The following CNTNAP4 variants were observed in gnomAD, a reference collection of about 807,000 sequenced individuals.
CNTNAP4 encodes the protein contactin associated protein family member 4.
A neutral mutation model predicts 148.4 loss-of-function variants in CNTNAP4; 98 were observed. That is an observed-to-expected ratio of 0.66 (90% CI 0.56 to 0.78). The LOEUF is 0.78. CNTNAP4 is among the 30% of genes least tolerant of loss of function. The pLI, the probability that CNTNAP4 is intolerant of heterozygous loss-of-function variation, is 0.00. For missense variants in CNTNAP4, 1,935 were observed against 1,565.6 expected, an observed-to-expected ratio of 1.24 and a Z score of -3.98; for synonymous variants, 730 against 565.1, an observed-to-expected ratio of 1.29 and a Z score of -4.14.
chr16:76,376,356 G>A (rs1213371529), intron 3 of CNTNAP4, among the ~76,000 whole-genome samples: 1 of 152,112 alleles, frequency 6.6e-6, no homozygotes, highest in African/African-American at 2.4e-5. Flanking sequence ...GAAAGGGAAA[G>A]GACTGCCTAA....
intron 3 of CNTNAP4, among the ~76,000 whole-genome samples, chr16:76,401,737 AT>A (rs975553826): frequency 1.3e-5 from 2 of 152,064 alleles, no homozygotes; most frequent in African/African-American, 4.8e-5. Context: ...TTTATTGAGG[AT>A]TTTTTAACTT....
At position 76,511,788 on chromosome 16, in the gene CNTNAP4, A is replaced by G. The variant is rs574358667; in HGVS notation, c.2366-9352A>G. Among the ~76,000 whole-genome samples, 67 of 151,990 alleles carry G rather than the reference A, an allele frequency of 4.4e-4. 1 individual carries two copies. Among genetic ancestry groups the G allele is most frequent in the African/African-American group, 1.6e-3 (65 of 41,476 alleles). Reference sequence around the variant, plus strand: ...ACTTGTGGGAAAGAGCAAAAGAGCAATGAACAAAATAGATAAAAATATCGG... The same window carrying G: ...ACTTGTGGGAAAGAGCAAAAGAGCAGTGAACAAAATAGATAAAAATATCGG... On this transcript the variant is annotated intron_variant, in intron 15 of 23. Coordinates refer to ENST00000611870, the MANE Select transcript of CNTNAP4 (RefSeq NM_033401.5).
chr16:76,321,697 G>C (rs1962430184), intron 2 of CNTNAP4, among the ~76,000 whole-genome samples: 1 of 150,906 alleles, frequency 6.6e-6, no homozygotes, highest in Non-Finnish European at 1.5e-5. Flanking sequence ...GCTGGGGCAG[G>C]AGAATGGCAT....
intron 2 of CNTNAP4, among the ~76,000 whole-genome samples, chr16:76,334,302 GA>G (rs1434835486): frequency 6.6e-6 from 1 of 151,896 alleles, no homozygotes; most frequent in South Asian, 2.1e-4. Context: ...GAAACTAGTG[GA>G]AAAAAAGCCA....
intron 2 of CNTNAP4, among the ~76,000 whole-genome samples, chr16:76,333,483 A>G (rs1056912599): frequency 1.3e-5 from 2 of 152,174 alleles, no homozygotes; most frequent in African/African-American, 4.8e-5. Flanking sequence ...TTGTTGAGAC[A>G]TCATTCTCCT....
intron 1 of CNTNAP4, among the ~76,000 whole-genome samples, chr16:76,311,396 T>G (rs1476424652): frequency 6.6e-6 from 1 of 152,154 alleles, no homozygotes; most frequent in Non-Finnish European, 1.5e-5. Flanking sequence ...AAATGGTGAC[T>G]TTTCTGAGAT....
chr16:76,506,194 G>A (rs1597771259), intron 15 of CNTNAP4, among the ~76,000 whole-genome samples: 1 of 96,630 alleles, frequency 1.0e-5, no homozygotes, highest in African/African-American at 2.6e-5. Context: ...CAGTGGGAAC[G>A]TATTTATTTT....
chr16:76,461,806 G>T (rs2080972354), intron 8 of CNTNAP4, 150 bp from the exon 9 acceptor site: 4 of 574,484 alleles, frequency 7.0e-6, no homozygotes, highest in Non-Finnish European at 1.2e-5. Context: ...TTTCCAATTT[G>T]TCTCCCTTTC....
chr16:76,369,611 G>C (rs1431130302), intron 3 of CNTNAP4, among the ~76,000 whole-genome samples: 2 of 152,342 alleles, frequency 1.3e-5, no homozygotes, highest in East Asian at 1.9e-4. Context: ...GGAAGCCAAG[G>C]TGGGAGGATT....
Position 76,509,176 on chromosome 16 carries a change from T to C in CNTNAP4, c.2365+10482T>C, listed in dbSNP as rs1396899928. 2.1e-5 allele frequency among the ~76,000 whole-genome samples: 2 copies of C among 97,380 alleles called. 1 individual carries two copies. Among genetic ancestry groups the C allele is most frequent in the Non-Finnish European group, 5.8e-5 (2 of 34,262 alleles). 63.9% of individuals were successfully genotyped at this position (97,380 alleles called of 152,430 possible). ...ATATCATTCCAAATGTTGGTAGATA[T>C]CTCTAGTGCAGGGCTTCCCAGTCTC... is the stretch of plus-strand genomic sequence containing the variant. On this transcript the variant is annotated intron_variant, in intron 15 of 23. Coordinates refer to ENST00000611870, the MANE Select transcript of CNTNAP4 (RefSeq NM_033401.5).
intron 8 of CNTNAP4, among the ~76,000 whole-genome samples, chr16:76,460,773 A>AAAAAAAATATATATAT: frequency 3.5e-5 from 2 of 57,326 alleles, no homozygotes; most frequent in East Asian, 5.1e-4. Context: ...AAAAAAAAAA[A>AAAAAAAATATATATAT]ATATATATAT....
In CNTNAP4 at chr16:76,318,470, A is replaced by G. The variant is rs138253912; in HGVS notation, c.196+1947A>G. On this transcript the variant is annotated intron_variant, in intron 2 of 23. Transcript: ENST00000611870. ...CACAATATCAAACTTCATGAATCTC[A>G]TTTACATGTTAATGAAACCGAGACA... Among the ~76,000 whole-genome samples the G allele has an allele frequency of 1.9e-3, 292 of 151,988 alleles. 1 individual carries two copies. Among genetic ancestry groups the G allele is most frequent in the Non-Finnish European group, 2.9e-3 (195 of 67,960 alleles).
intron 23 of CNTNAP4, 189 bp from the exon 24 acceptor site, chr16:76,558,301 C>G (rs1387476732): frequency 2.0e-6 from 1 of 493,500 alleles, no homozygotes; most frequent in Non-Finnish European, 3.6e-6. Context: ...GCTGATAGAA[C>G]TCAGAAATAA....
rs1454434962 is a variant in CNTNAP4 at position 76,489,932 on chromosome 16, T to G, written c.2080+49T>G. The G allele has an allele frequency of 2.4e-6, 3 of 1,238,924 alleles. No homozygotes were observed. In the Admixed American group the frequency reaches 8.3e-5, roughly 34 times the overall value. 76.7% of individuals were successfully genotyped at this position (1,238,924 alleles called of 1,614,324 possible). ...TTGTTGCACACATCACATCATGCACTTACTCAACTAGCTCCTGAGAATTTT... is the reference window on the plus strand; with the variant it reads ...TTGTTGCACACATCACATCATGCACGTACTCAACTAGCTCCTGAGAATTTT... On this transcript the variant is annotated intron_variant, in intron 13 of 23. Coordinates refer to ENST00000611870, the MANE Select transcript of CNTNAP4 (RefSeq NM_033401.5).
At chr16:76,417,078 T>G (rs946836052) in intron 3 of CNTNAP4, among the ~76,000 whole-genome samples, 1 of 151,636 alleles carries the variant, frequency 6.6e-6, no homozygotes, top group Admixed American at 6.6e-5. Context: ...TCTTCATCCA[T>G]TTACTTTTAA....
intron 4 of CNTNAP4, among the ~76,000 whole-genome samples, chr16:76,441,083 C>G (rs1275264902): frequency 6.6e-6 from 1 of 152,072 alleles, no homozygotes; most frequent in African/African-American, 2.4e-5. Flanking sequence ...CGGATCAACT[C>G]CCTCTCCTGC....
chr16:76,501,817 T>A lies in CNTNAP4; in HGVS notation c.2365+3123T>A, dbSNP rs113927283. Reference sequence around the variant, plus strand: ...CGGGCGCGGTGGCTCACGCCTGTAATCCCAGCACTTTGGGAGGCCGAGGCG... The same window carrying A: ...CGGGCGCGGTGGCTCACGCCTGTAAACCCAGCACTTTGGGAGGCCGAGGCG... On this transcript the variant is annotated intron_variant, in intron 15 of 23. Coordinates refer to ENST00000611870, the MANE Select transcript of CNTNAP4 (RefSeq NM_033401.5). Among the ~76,000 whole-genome samples, 201 of 152,256 alleles carry A rather than the reference T, an allele frequency of 1.3e-3. 1 individual carries two copies. The highest frequency in any genetic ancestry group is 2.4e-3 in the Non-Finnish European group (166 of 67,998).
rs376857015 is a variant in CNTNAP4 at position 76,476,814 on chromosome 16, A to G, written c.1762+769A>G. Among the ~76,000 whole-genome samples, 50 of 152,264 alleles carry G rather than the reference A, an allele frequency of 3.3e-4. No homozygotes were observed. In the South Asian group the frequency reaches 4.6e-3, roughly 14 times the overall value. Reference sequence around the variant, plus strand: ...TCCCAATACCACCATATTGGGGACTAGGTTTCAACATACACGTTTTGAGGG... The same window carrying G: ...TCCCAATACCACCATATTGGGGACTGGGTTTCAACATACACGTTTTGAGGG... On this transcript the variant is annotated intron_variant, in intron 11 of 23. Transcript: ENST00000611870.
At chr16:76,455,264 C>T (rs1597598997) in intron 8 of CNTNAP4, among the ~76,000 whole-genome samples, 2 of 152,176 alleles carry the variant, frequency 1.3e-5, no homozygotes, top group East Asian at 3.9e-4. Context: ...TTTGAGATTT[C>T]TGCTATGATT....
Sources: gnomAD v4.1 joint callset for allele counts (sites outside exome capture counted in the v4.1 genomes callset) on GRCh38, gnomAD v4.1.1 for gene constraint, MANE v1.5 for transcripts, NCBI Gene and HGNC (gene_info 2026-07-23, HGNC 2026-07-21) for gene names.